SLC9C2: variants seen among roughly 807,000 people sequenced by gnomAD.
The protein encoded by SLC9C2 is solute carrier family 9 member C2 (putative), also known as sodium/hydrogen exchanger 11.
In SLC9C2, 75 loss-of-function variants were observed where a neutral mutation model predicts 140.2. The observed-to-expected ratio is 0.53, with a 90% CI of 0.44 to 0.65. SLC9C2 has a LOEUF of 0.65. Ranked by LOEUF, SLC9C2 falls within the 30% of genes least tolerant of loss-of-function variation. The pLI is 0.00. For synonymous variants in SLC9C2, 375 were observed against 420.9 expected (o/e 0.89, Z 1.34); for missense variants, 1,074 against 1,331.8 (o/e 0.81, Z 3.01).
chr1:173,557,543 C>T (rs535774714), intron 9 of SLC9C2, 35 bp from the exon 10 acceptor site: 18 of 1,568,036 alleles, frequency 1.1e-5, no homozygotes, highest in Admixed American at 3.8e-5. Context: ...TAAATCTCAC[C>T]TTGTTTATTA....
rs546264848 is a variant in SLC9C2 at position 173,595,764 on chromosome 1, A to G, written c.357+2140T>C. 9.8e-5 allele frequency among the ~76,000 whole-genome samples: 15 copies of G among 152,320 alleles called. No homozygotes were observed. In the South Asian group the frequency reaches 3.1e-3, roughly 32 times the overall value. On this transcript the variant is annotated intron_variant, in intron 4 of 27. Coordinates refer to ENST00000367714, the MANE Select transcript of SLC9C2 (RefSeq NM_178527.4). Reference sequence around the variant, plus strand: ...ATAATATGTGAGAAAAAGTCAAAATATATTTCTTTTAAAAACTTTATTTTC... The same window carrying G: ...ATAATATGTGAGAAAAAGTCAAAATGTATTTCTTTTAAAAACTTTATTTTC...
At chr1:173,507,186 G>A (rs919752173) in intron 24 of SLC9C2, 145 bp from the exon 25 acceptor site, 9 of 662,754 alleles carry the variant, frequency 1.4e-5, no homozygotes, top group Non-Finnish European at 1.5e-5. Context: ...GATTTATTTA[G>A]CATTCAGAAT....
chr1:173,551,704 C>T (rs1663324355), intron 11 of SLC9C2, among the ~76,000 whole-genome samples: 1 of 152,170 alleles, frequency 6.6e-6, no homozygotes, highest in African/African-American at 2.4e-5. Context: ...TGTGTTCTGA[C>T]TGCCCCTCAG....
chr1:173,530,535 A>G (rs1430821589), intron 17 of SLC9C2, among the ~76,000 whole-genome samples: 1 of 152,154 alleles, frequency 6.6e-6, no homozygotes, highest in Admixed American at 6.5e-5. Flanking sequence ...TATTTCTCCA[A>G]TCATAAGCTA....
chr1:173,538,949 G>A (rs1662176059), intron 13 of SLC9C2, among the ~76,000 whole-genome samples: 1 of 151,902 alleles, frequency 6.6e-6, no homozygotes, highest in Non-Finnish European at 1.5e-5. Flanking sequence ...CCCAATCCCT[G>A]AAAAACTATG....
intron 5 of SLC9C2, among the ~76,000 whole-genome samples, 187 bp downstream of exon 5, chr1:173,587,478 C>T (rs903435966): frequency 7.2e-5 from 11 of 152,092 alleles, no homozygotes; most frequent in Non-Finnish European, 1.3e-4. Flanking sequence ...CTTATCTCAT[C>T]TCCTTGGTGG....
intron 4 of SLC9C2, among the ~76,000 whole-genome samples, chr1:173,593,940 T>G (rs754531917): frequency 6.6e-6 from 1 of 152,148 alleles, no homozygotes; most frequent in Non-Finnish European, 1.5e-5. Context: ...AACTGAAACC[T>G]TGGATAACTG....
intron 4 of SLC9C2, among the ~76,000 whole-genome samples, chr1:173,594,850 A>G (rs1054828737): frequency 1.5e-4 from 23 of 152,304 alleles, no homozygotes; most frequent in Middle Eastern, 3.4e-3. Flanking sequence ...ACTGCATTTA[A>G]CAGAAAAGAG....
rs2102197184 is a variant in SLC9C2, at chr1:173,576,689, T to TA, written c.873dup (p.Lys292Ter). ...GTAATTACAAGTTCGATCTTCGGTT[T>TA]AAAAGTTAAAGAATCTAAATTCAGT... On this transcript the variant is annotated frameshift_variant, in exon 8 of 28. Coordinates refer to ENST00000367714, the MANE Select transcript of SLC9C2 (RefSeq NM_178527.4). LOFTEE classifies it high-confidence loss of function. The TA allele has an allele frequency of 1.2e-6, 2 of 1,611,172 alleles. No individual in the cohort carries two copies. The highest frequency in any genetic ancestry group is 1.7e-6 in the Non-Finnish European group (2 of 1,179,268).
chr1:173,527,046 T>C (rs887637602), intron 18 of SLC9C2, among the ~76,000 whole-genome samples: 1 of 152,098 alleles, frequency 6.6e-6, no homozygotes, highest in Non-Finnish European at 1.5e-5. Context: ...GGTTTCTCCA[T>C]GTTGGCTAGG....
At chr1:173,511,909 A>T (rs1277092183) in intron 23 of SLC9C2, among the ~76,000 whole-genome samples, 1 of 152,148 alleles carries the variant, frequency 6.6e-6, no homozygotes, top group Non-Finnish European at 1.5e-5. Context: ...TGAATAGGAG[A>T]TCCTTTCCCC....
chr1:173,574,630 A>C (rs1294114872), intron 8 of SLC9C2, among the ~76,000 whole-genome samples: 3 of 148,914 alleles, frequency 2.0e-5, no homozygotes, highest in South Asian at 2.1e-4. Flanking sequence ...CCTGCCTCAG[A>C]CTCCTGAGTA....
intron 11 of SLC9C2, among the ~76,000 whole-genome samples, chr1:173,551,787 A>G (rs919751188): frequency 1.3e-5 from 2 of 152,222 alleles, no homozygotes; most frequent in East Asian, 1.9e-4. Flanking sequence ...CAGTATTGAA[A>G]TTAGGCCAAT....
At chr1:173,587,935 A>G (rs1002170502) in intron 4 of SLC9C2, 105 bp from the exon 5 acceptor site, 2 of 827,486 alleles carry the variant, frequency 2.4e-6, no homozygotes, top group Non-Finnish European at 3.6e-6. Flanking sequence ...ATGTTATACA[A>G]TTACCCTGGA....
In SLC9C2 at chr1:173,524,766, C is replaced by A. The variant is rs1291895576; in HGVS notation, c.2514+13G>T. On this transcript the variant is annotated intron_variant, in intron 20 of 27. Coordinates refer to ENST00000367714, the MANE Select transcript of SLC9C2 (RefSeq NM_178527.4). ...GGCTGGGGTGTTATGCGGACAGAAT[C>A]AAGCAAAATTACCTTATTTATCTCA... 2.5e-6 allele frequency: 4 copies of A among 1,612,756 alleles called. No individual in the cohort carries two copies. Among genetic ancestry groups the A allele is most frequent in the Non-Finnish European group, 1.7e-6 (2 of 1,179,128 alleles).
intron 22 of SLC9C2, among the ~76,000 whole-genome samples, chr1:173,519,280 A>G (rs558844749): frequency 1.3e-5 from 2 of 152,152 alleles, no homozygotes; most frequent in Admixed American, 1.3e-4. Flanking sequence ...TCCAGCTGAC[A>G]GCCTTGAAGA....
intron 9 of SLC9C2, among the ~76,000 whole-genome samples, chr1:173,566,599 C>T (rs1041238618): frequency 1.3e-5 from 2 of 151,756 alleles, no homozygotes; most frequent in African/African-American, 4.8e-5. Context: ...AAAGGTTTGT[C>T]ATTTTTGTTT....
At chr1:173,573,078 C>T in intron 9 of SLC9C2, 104 bp downstream of exon 9, 1 of 756,226 alleles carries the variant, frequency 1.3e-6, no homozygotes, top group Non-Finnish European at 2.0e-6. Context: ...GGTTTCCTGG[C>T]TCCATGTCCA....
At chr1:173,529,408 T>TA (rs1221735526) in intron 18 of SLC9C2, among the ~76,000 whole-genome samples, 2 of 151,996 alleles carry the variant, frequency 1.3e-5, no homozygotes, top group African/African-American at 2.4e-5. Context: ...ATCTAGTACT[T>TA]ACAGCATAGT....
Sources: gnomAD v4.1 joint callset for allele counts (sites outside exome capture counted in the v4.1 genomes callset) on GRCh38, gnomAD v4.1.1 for gene constraint, MANE v1.5 for transcripts, NCBI Gene and HGNC (gene_info 2026-07-23, HGNC 2026-07-21) for gene names.